RUVBL1: variants seen among roughly 807,000 people sequenced by gnomAD.
RUVBL1 encodes ruvB-like 1.
RUVBL1 carries 4 observed loss-of-function variants against 52.4 expected under a neutral mutation model. That is an observed-to-expected ratio of 0.08 (90% CI 0.04 to 0.17). The LOEUF (loss-of-function observed/expected upper bound fraction) is 0.17. Among genes scored for constraint, RUVBL1 ranks in the 10% least tolerant of loss-of-function variants. The pLI, the probability that RUVBL1 is intolerant of heterozygous loss-of-function variation, is 1.00. For missense variants in RUVBL1, 298 were observed against 572.8 expected, an observed-to-expected ratio of 0.52 and a Z score of 4.90; for synonymous variants, 217 against 214.4, an observed-to-expected ratio of 1.01 and a Z score of -0.10.
At chr3:128,084,855 G>A (rs1423647755) in intron 9 of RUVBL1, 2 of 152,340 alleles carry the variant, frequency 1.3e-5, no homozygotes, top group African/African-American at 4.8e-5. Flanking sequence ...CTGAGAGAAA[G>A]CCTGAGGAGA....
At chr3:128,120,937 C>T (rs1943631899) in intron 1 of RUVBL1, among the ~76,000 whole-genome samples, 1 of 150,550 alleles carries the variant, frequency 6.6e-6, no homozygotes, top group Admixed American at 6.6e-5. Context: ...ACCGAGATGG[C>T]GCCACTGCAC....
At position 128,081,041 on chromosome 3, in the gene RUVBL1, A is replaced by AAC; in HGVS notation, c.*207_*208dup. On this transcript the variant is annotated 3_prime_UTR_variant, in exon 11 of 11. Coordinates refer to ENST00000322623, the MANE Select transcript of RUVBL1 (RefSeq NM_003707.3). This position sits in a 1 kb window ranked among gnomAD's most constrained non-coding sequence, Gnocchi z 4.8. ...AAATAACCTATGAAGATTTATAGAA[A>AAC]ACACACCAGGTAAGGAAGGGTTCTT... 6 of 510,634 alleles carry AAC rather than the reference A, an allele frequency of 1.2e-5. No homozygotes were observed. The highest frequency in any genetic ancestry group is 2.1e-5 in the Non-Finnish European group (6 of 290,382). 31.6% of individuals were successfully genotyped at this position (510,634 alleles called of 1,614,324 possible). A position where few individuals can be genotyped will look rare whatever the true frequency, so the allele number is the denominator to read the frequency against.
upstream of RUVBL1, among the ~76,000 whole-genome samples, chr3:128,127,798 A>T (rs1943813179): frequency 6.6e-6 from 1 of 152,174 alleles, no homozygotes; most frequent in Non-Finnish European, 1.5e-5. Context: ...GGAGTTCGAG[A>T]CCAGCCTGGC....
intron 3 of RUVBL1, among the ~76,000 whole-genome samples, chr3:128,108,126 G>C (rs997914531): frequency 1.3e-5 from 2 of 152,150 alleles, no homozygotes; most frequent in African/African-American, 4.8e-5. Context: ...CTATATCCCT[G>C]ACAGGGACCT....
chr3:128,120,211 TC>T (rs1184011334), intron 1 of RUVBL1, among the ~76,000 whole-genome samples: 6 of 152,188 alleles, frequency 3.9e-5, no homozygotes, highest in Non-Finnish European at 7.3e-5. Flanking sequence ...TCCATAGCTT[TC>T]ATCAAATTCC....
chr3:128,114,845 T>G (rs1230200084), intron 2 of RUVBL1, among the ~76,000 whole-genome samples: 1 of 38,374 alleles, frequency 2.6e-5, no homozygotes, highest in African/African-American at 1.6e-4. Flanking sequence ...CCCTTCCCAG[T>G]TACTCCTTTC....
At chr3:128,114,819 G>A (rs958775037) in intron 2 of RUVBL1, among the ~76,000 whole-genome samples, 6 of 148,552 alleles carry the variant, frequency 4.0e-5, no homozygotes. Context: ...TGGGGCCACA[G>A]GCTGGACAGG....
chr3:128,113,108 G>T, intron 2 of RUVBL1, 88 bp from the exon 3 acceptor site: 1 of 1,423,704 alleles, frequency 7.0e-7, no homozygotes. Context: ...CAGGAACTAG[G>T]AACAGCTGAA....
At chr3:128,103,539 G>A (rs1943154517) in intron 4 of RUVBL1, among the ~76,000 whole-genome samples, 1 of 152,174 alleles carries the variant, frequency 6.6e-6, no homozygotes, top group African/African-American at 2.4e-5. Context: ...TAAAATCGTA[G>A]AACAGAATAA....
At chr3:128,074,316 C>G (rs1235301736) in intron 9 of RUVBL1, among the ~76,000 whole-genome samples, 1 of 151,114 alleles carries the variant, frequency 6.6e-6, no homozygotes, top group Non-Finnish European at 1.5e-5. Flanking sequence ...GTGAAAGAAA[C>G]AAGTCATGTT....
chr3:128,093,047 A>G (rs532511623), intron 8 of RUVBL1, among the ~76,000 whole-genome samples: 3 of 152,270 alleles, frequency 2.0e-5, no homozygotes, highest in South Asian at 4.2e-4. Flanking sequence ...AAAGAAAAAA[A>G]AAGTTGTACA....
At chr3:128,148,659 G>A (rs574512481) in intron 1 of RUVBL1, among the ~76,000 whole-genome samples, 15 of 152,252 alleles carry the variant, frequency 9.9e-5, no homozygotes, top group African/African-American at 3.6e-4. Flanking sequence ...AAGTTGGAGG[G>A]CTGAGCCCTG....
chr3:128,122,984 G>A (rs1943687291), intron 1 of RUVBL1, among the ~76,000 whole-genome samples: 1 of 152,142 alleles, frequency 6.6e-6, no homozygotes, highest in Admixed American at 6.5e-5. Context: ...ATGCTTGGAG[G>A]GGTGGATAAA....
chr3:128,150,997 ATATAT>A (rs1299516687), intron 1 of RUVBL1, among the ~76,000 whole-genome samples: 49 of 91,192 alleles, frequency 5.4e-4, no homozygotes, highest in East Asian at 3.9e-3. Context: ...TATATATTAT[ATATAT>A]TATATTATAT....
Position 128,067,496 on chromosome 3 carries a change from TTTGG to T in RUVBL1, c.940-2280_940-2277del. On this transcript the variant is annotated intron_variant, in intron 9 of 9. Coordinates refer to the RUVBL1 transcript ENST00000464873. The surrounding 1 kb of genome is among the most constrained non-coding windows in gnomAD (Gnocchi z 4.1). Reference sequence around the variant, plus strand: ...CTATTACCTGTCCCCTCCAGAATCTTTTGGCTCCGTGTTAGAAGACCCGGTCCAT... The same window carrying T: ...CTATTACCTGTCCCCTCCAGAATCTTCTCCGTGTTAGAAGACCCGGTCCAT... The T allele has an allele frequency of 6.2e-7, 1 of 1,614,200 alleles. No homozygotes were observed. The highest frequency in any genetic ancestry group is 2.2e-5 in the East Asian group (1 of 44,882).
intron 8 of RUVBL1, among the ~76,000 whole-genome samples, chr3:128,092,851 C>G (rs559981837): frequency 6.6e-6 from 1 of 152,076 alleles, no homozygotes; most frequent in Non-Finnish European, 1.5e-5. Context: ...AGGTACATAA[C>G]CGAAAGAAAT....
chr3:128,097,276 G>A, intron 8 of RUVBL1, 24 bp downstream of exon 8: 1 of 1,606,950 alleles, frequency 6.2e-7, no homozygotes, highest in South Asian at 1.1e-5. Context: ...AAAAAGCCTT[G>A]TGGCTGGCAG....
chr3:128,114,995 T>C (rs1294757180), intron 2 of RUVBL1, among the ~76,000 whole-genome samples: 1 of 149,498 alleles, frequency 6.7e-6, no homozygotes, highest in Admixed American at 6.7e-5. Flanking sequence ...TAAAATATGA[T>C]AAATACTTGG....
intron 3 of RUVBL1, among the ~76,000 whole-genome samples, chr3:128,107,592 C>G (rs952458933): frequency 2.6e-5 from 4 of 152,196 alleles, no homozygotes; most frequent in African/African-American, 7.2e-5. Flanking sequence ...GACAAAGACT[C>G]TCAGATATTA....
Sources: allele counts gnomAD v4.1 joint callset (sites outside exome capture counted in the v4.1 genomes callset), GRCh38; gene constraint gnomAD v4.1.1; non-coding constraint Gnocchi (gnomAD v3.1); transcripts MANE v1.5; gene names NCBI Gene and HGNC (gene_info 2026-07-23, HGNC 2026-07-21).